Variants in ADAM32 observed in about 807,000 individuals in gnomAD.
The protein encoded by ADAM32 is ADAM metallopeptidase domain 32.
ADAM32 carries 89 observed loss-of-function variants against 114.9 expected under a neutral mutation model. The observed-to-expected ratio is 0.77, with a 90% confidence interval of 0.65 to 0.92. The LOEUF (loss-of-function observed/expected upper bound fraction) is 0.92. ADAM32 is among the 40% of genes least tolerant of loss of function. ADAM32 has a pLI of 0.00. For synonymous variants in ADAM32, 285 were observed against 307.5 expected (o/e 0.93, Z 0.77); for missense variants, 870 against 932.8 (o/e 0.93, Z 0.88).
chr8:39,215,887 G>A (rs1808523320), intron 12 of ADAM32, among the ~76,000 whole-genome samples: 1 of 151,982 alleles, frequency 6.6e-6, no homozygotes, highest in Non-Finnish European at 1.5e-5. Flanking sequence ...GAAATGTTCT[G>A]TAAATATCTA....
intron 1 of ADAM32, 48 bp from the exon 2 acceptor site, chr8:39,118,038 T>C (rs1259237398): frequency 1.6e-6 from 2 of 1,215,402 alleles, no homozygotes; most frequent in East Asian, 5.7e-5. Context: ...AGATATTTAA[T>C]CAAATTAAGG....
chr8:39,135,569 T>A (rs1802750134), intron 2 of ADAM32, among the ~76,000 whole-genome samples: 1 of 152,204 alleles, frequency 6.6e-6, no homozygotes, highest in African/African-American at 2.4e-5. Flanking sequence ...GTAAGGAAAC[T>A]ACTTTCTTTG....
intron 14 of ADAM32, among the ~76,000 whole-genome samples, chr8:39,226,388 G>A (rs1809371142): frequency 6.6e-6 from 1 of 151,992 alleles, no homozygotes; most frequent in Non-Finnish European, 1.5e-5. Context: ...GGTACAGGAA[G>A]CTCAAAATCC....
At chr8:39,242,101 A>G (rs1273728292) in intron 16 of ADAM32, among the ~76,000 whole-genome samples, 2 of 152,210 alleles carry the variant, frequency 1.3e-5, no homozygotes, top group Admixed American at 1.3e-4. Context: ...AGTCTCTGCT[A>G]AAACATAGTA....
intron 22 of ADAM32, among the ~76,000 whole-genome samples, chr8:39,278,291 G>T (rs1813217107): frequency 6.6e-6 from 1 of 151,958 alleles, no homozygotes; most frequent in Non-Finnish European, 1.5e-5. Context: ...GGGAGGGGCA[G>T]GGCCATGGGT....
In ADAM32 at chr8:39,136,726, T is replaced by C; in HGVS notation, c.200+8T>C. 1 of 1,468,898 alleles carries C rather than the reference T, an allele frequency of 6.8e-7. No individual in the cohort carries two copies. The highest frequency in any genetic ancestry group is 9.2e-7 in the Non-Finnish European group (1 of 1,091,038). 91.0% of individuals were successfully genotyped at this position (1,468,898 alleles called of 1,614,324 possible). On this transcript the variant is annotated splice_region_variant and intron_variant, in intron 3 of 24. Transcript: ENST00000379907. ...TGTGCACCTTAAACAAAGGTAAATT[T>C]TTATTCTTTAGTTTTGGATTTTATT...
intron 11 of ADAM32, among the ~76,000 whole-genome samples, chr8:39,195,921 T>A (rs1446989981): frequency 6.6e-6 from 1 of 152,178 alleles, no homozygotes; most frequent in Non-Finnish European, 1.5e-5. Context: ...GATCTGTAGA[T>A]CGCTTTGGGT....
chr8:39,203,632 A>G (rs1000559144), intron 11 of ADAM32, among the ~76,000 whole-genome samples: 1 of 151,850 alleles, frequency 6.6e-6, no homozygotes, highest in East Asian at 1.9e-4. Flanking sequence ...CCCATTTACA[A>G]TTAAGGTTAA....
In ADAM32 at chr8:39,157,924, C is replaced by G. The variant is rs537194759; in HGVS notation, c.526-2973C>G. 7.6e-6 allele frequency: 3 copies of G among 392,292 alleles called. No homozygotes were observed. In the Admixed American group the frequency reaches 1.0e-4, roughly 13 times the overall value. The allele number at this position is 392,292 out of a possible 1,614,324, so 24.3% of individuals were successfully genotyped here. On this transcript the variant is annotated intron_variant, in intron 6 of 24. Coordinates refer to ENST00000379907, the MANE Select transcript of ADAM32 (RefSeq NM_145004.7). ...GTGCAGTGATAGTTTGTGTCTAGTA[C>G]GTGCCACAGAGAAGGTCATATGGGC...
Position 39,253,081 on chromosome 8 carries a change from C to T in ADAM32, c.1903-1333C>T, listed in dbSNP as rs114531811. 5.3e-3 allele frequency among the ~76,000 whole-genome samples: 799 copies of T among 151,648 alleles called. 6 individuals carry two copies. The highest frequency in any genetic ancestry group is 0.018 in the African/African-American group (762 of 41,484). ...ACATTAACAAACTATATTTGCCGCA[C>T]GTTAAAAGAATCATACACTATGACC... On this transcript the variant is annotated intron_variant, in intron 17 of 24. Transcript: ENST00000379907.
At chr8:39,193,392 G>C (rs1398084413) in intron 11 of ADAM32, among the ~76,000 whole-genome samples, 1 of 152,124 alleles carries the variant, frequency 6.6e-6, no homozygotes, top group Non-Finnish European at 1.5e-5. Context: ...TTGTCTGTCA[G>C]CTCCTGTATC....
chr8:39,191,854 G>T (rs553064987), intron 11 of ADAM32, among the ~76,000 whole-genome samples: 4 of 152,188 alleles, frequency 2.6e-5, no homozygotes, highest in African/African-American at 4.8e-5. Flanking sequence ...TTATTACCTA[G>T]GCTGTCTTCC....
chr8:39,165,223 G>A (rs1804754977), intron 9 of ADAM32, 27 bp downstream of exon 9: 1 of 1,396,400 alleles, frequency 7.2e-7, no homozygotes, highest in East Asian at 2.4e-5. Context: ...ATTATTCCTA[G>A]AAAGAAAACA....
intron 11 of ADAM32, among the ~76,000 whole-genome samples, chr8:39,210,338 C>G (rs1329136326): frequency 6.6e-6 from 1 of 152,188 alleles, no homozygotes; most frequent in East Asian, 1.9e-4. Flanking sequence ...CATTCCTATG[C>G]TCTTCAATGT....
intron 9 of ADAM32, chr8:39,166,603 G>A: frequency 6.6e-6 from 1 of 152,164 alleles, no homozygotes; most frequent in East Asian, 1.9e-4. Context: ...AGATCTTTAA[G>A]GAATCTTCAC....
chr8:39,234,018 A>G lies in ADAM32; in HGVS notation c.1754A>G (p.Lys585Arg), dbSNP rs1165502083. 4 of 1,545,664 alleles carry G rather than the reference A, an allele frequency of 2.6e-6. No homozygotes were observed. The highest frequency in any genetic ancestry group is 3.5e-6 in the Non-Finnish European group (4 of 1,142,918). ...TCTGTATGCATAACTGTAGACTACAAATTGCCTCGAACAGTTCCAGATCCA... is the reference window on the plus strand; with the variant it reads ...TCTGTATGCATAACTGTAGACTACAGATTGCCTCGAACAGTTCCAGATCCA... ...RDSVCITVDY[K>R]LPRTVPDPLA... Residue 585 changes from lysine (K) to arginine (R), a missense_variant, in exon 16 of 25, where the codon AAA (lysine) becomes AGA (arginine). By Grantham distance (26) the Lys-to-Arg change is conservative. Coordinates refer to ENST00000379907, the MANE Select transcript of ADAM32 (RefSeq NM_145004.7).
chr8:39,254,636 C>T (rs1284657897), intron 18 of ADAM32, 120 bp downstream of exon 18: 1 of 692,900 alleles, frequency 1.4e-6, no homozygotes, highest in Non-Finnish European at 2.2e-6. Flanking sequence ...AAAAGGTAAT[C>T]AGAATTCTCT....
At chr8:39,248,850 C>T (rs1564682900) in intron 17 of ADAM32, among the ~76,000 whole-genome samples, 1 of 151,432 alleles carries the variant, frequency 6.6e-6, no homozygotes, top group Non-Finnish European at 1.5e-5. Flanking sequence ...GAAAAAATTT[C>T]CCTCTATTCC....
At position 39,158,052 on chromosome 8, in the gene ADAM32, G is replaced by T. The variant is rs1473801896; in HGVS notation, c.526-2845G>T. On this transcript the variant is annotated intron_variant, in intron 6 of 24. Coordinates refer to ENST00000379907, the MANE Select transcript of ADAM32 (RefSeq NM_145004.7). ...GACTGGTGACCTCTTTGTAGCCTTT[G>T]CCCTTGGTCACCCGTTTGATGTCAA... 10 of 255,368 alleles carry T rather than the reference G, an allele frequency of 3.9e-5. No homozygotes were observed. In the Admixed American group the frequency reaches 4.3e-4, roughly 11 times the overall value. The allele number at this position is 255,368 out of a possible 1,614,324, so 15.8% of individuals were successfully genotyped here.
Sources: allele counts gnomAD v4.1 joint callset (sites outside exome capture counted in the v4.1 genomes callset), GRCh38; gene constraint gnomAD v4.1.1; transcripts MANE v1.5; gene names NCBI Gene and HGNC (gene_info 2026-07-23, HGNC 2026-07-21).